Variants in ATRNL1 observed in about 807,000 individuals in gnomAD.
The protein encoded by ATRNL1 is attractin like 1.
A neutral mutation model predicts 182.7 loss-of-function variants in ATRNL1; 95 were observed. The observed-to-expected ratio is 0.52, with a 90% confidence interval of 0.44 to 0.62. The LOEUF (loss-of-function observed/expected upper bound fraction) is 0.62. Ranked by LOEUF, ATRNL1 falls within the 20% of genes least tolerant of loss-of-function variation. The pLI is 0.00. For synonymous variants in ATRNL1, 576 were observed against 568.3 expected (o/e 1.01, Z -0.19); for missense variants, 1,471 against 1,679.5 (o/e 0.88, Z 2.17).
At chr10:115,531,292 G>C (rs1190035286) in intron 25 of ATRNL1, among the ~76,000 whole-genome samples, 1 of 152,050 alleles carries the variant, frequency 6.6e-6, no homozygotes, top group East Asian at 1.9e-4. Flanking sequence ...AGCACCCGTT[G>C]TTTCCTGACT....
At chr10:115,103,106 C>T (rs1264425944) in intron 1 of ATRNL1, among the ~76,000 whole-genome samples, 11 of 148,118 alleles carry the variant, frequency 7.4e-5, no homozygotes, top group African/African-American at 2.0e-4. Context: ...GGCATGATCT[C>T]GGCTCAATGC....
intron 26 of ATRNL1, among the ~76,000 whole-genome samples, chr10:115,714,191 A>G (rs1047518371): frequency 1.3e-5 from 2 of 152,208 alleles, no homozygotes; most frequent in Non-Finnish European, 2.9e-5. Context: ...AGTGAAATAA[A>G]CAGCATCAGT....
At chr10:115,632,971 C>T (rs1035712890) in intron 26 of ATRNL1, among the ~76,000 whole-genome samples, 12 of 151,742 alleles carry the variant, frequency 7.9e-5, no homozygotes, top group Middle Eastern at 6.8e-3. Context: ...TAGCTCACTA[C>T]AACCTCCGCC....
chr10:115,109,335 A>C (rs1844161172), intron 1 of ATRNL1, among the ~76,000 whole-genome samples: 1 of 152,200 alleles, frequency 6.6e-6, no homozygotes, highest in Non-Finnish European at 1.5e-5. Flanking sequence ...AATGAATAAA[A>C]ATTTATTGGC....
At chr10:115,899,391 C>T (rs1300589181) in intron 28 of ATRNL1, among the ~76,000 whole-genome samples, 2 of 152,120 alleles carry the variant, frequency 1.3e-5, no homozygotes, top group African/African-American at 2.4e-5. Flanking sequence ...TCACCGCAAC[C>T]TCCACCTCCC....
intron 17 of ATRNL1, among the ~76,000 whole-genome samples, chr10:115,302,731 G>C (rs1237046407): frequency 6.6e-6 from 1 of 152,172 alleles, no homozygotes; most frequent in Non-Finnish European, 1.5e-5. Flanking sequence ...GTACTATGTG[G>C]TGAGAGTGGC....
chr10:115,484,405 A>G (rs1207243532), intron 24 of ATRNL1, among the ~76,000 whole-genome samples: 2 of 151,646 alleles, frequency 1.3e-5, no homozygotes, highest in Admixed American at 1.3e-4. Context: ...GTGTATTAAT[A>G]TATATCAAAT....
intron 27 of ATRNL1, among the ~76,000 whole-genome samples, chr10:115,795,232 A>G (rs547681494): frequency 4.8e-4 from 73 of 152,304 alleles, no homozygotes; most frequent in African/African-American, 1.7e-3. Context: ...CTATGTATAT[A>G]TACATTTACA....
chr10:115,587,040 G>C (rs74573631), intron 26 of ATRNL1, among the ~76,000 whole-genome samples: 66,898 of 144,520 alleles, frequency 0.46, 17,042 homozygotes, highest in East Asian at 0.83. Context: ...GCCCCTACTG[G>C]GGGGTGCCTC....
intron 9 of ATRNL1, among the ~76,000 whole-genome samples, chr10:115,223,929 A>ATATATATATATATTTT (rs1420143943): frequency 8.9e-5 from 4 of 44,716 alleles, no homozygotes; most frequent in African/African-American, 3.7e-4. Flanking sequence ...ATATATATAT[A>ATATATATATATATTTT]TTTTTTTTTT....
intron 26 of ATRNL1, among the ~76,000 whole-genome samples, chr10:115,566,638 T>G (rs1555001968): frequency 6.6e-6 from 1 of 152,112 alleles, no homozygotes; most frequent in African/African-American, 2.4e-5. Context: ...AAAGCTAAAT[T>G]ATAACCTCTA....
intron 28 of ATRNL1, among the ~76,000 whole-genome samples, chr10:115,885,290 T>G (rs1324783676): frequency 3.9e-5 from 6 of 152,224 alleles, no homozygotes; most frequent in African/African-American, 1.4e-4. Flanking sequence ...ATAATAATAC[T>G]GTTAGCTCCT....
intron 28 of ATRNL1, 141 bp downstream of exon 28, chr10:115,848,132 AC>A: frequency 1.7e-6 from 1 of 604,402 alleles, no homozygotes; most frequent in Non-Finnish European, 3.0e-6. Flanking sequence ...GAGAATACAA[AC>A]TTTTACCCAA....
At chr10:115,159,080 AT>A (rs1455931743) in intron 5 of ATRNL1, among the ~76,000 whole-genome samples, 1 of 151,752 alleles carries the variant, frequency 6.6e-6, no homozygotes, top group African/African-American at 2.4e-5. Context: ...AATTAATATC[AT>A]TTTTAACTTG....
chr10:115,632,087 G>A (rs1475698031), intron 26 of ATRNL1, among the ~76,000 whole-genome samples: 1 of 152,044 alleles, frequency 6.6e-6, no homozygotes, highest in Non-Finnish European at 1.5e-5. Context: ...CTAAAATTCA[G>A]GATGTTTTAT....
At chr10:115,733,572 G>C (rs1216035737) in intron 27 of ATRNL1, among the ~76,000 whole-genome samples, 3 of 152,084 alleles carry the variant, frequency 2.0e-5, no homozygotes, top group African/African-American at 7.2e-5. Flanking sequence ...TGAAGCAGCT[G>C]TCCTATTAAG....
rs577231890 is a variant in ATRNL1 at position 115,510,718 on chromosome 10, G to C, written c.3655-8545G>C. Among the ~76,000 whole-genome samples the C allele has an allele frequency of 2.1e-3, 318 of 152,124 alleles. 1 individual carries two copies. The highest frequency in any genetic ancestry group is 0.013 in the South Asian group (65 of 4,830). On this transcript the variant is annotated intron_variant, in intron 24 of 28. Transcript: ENST00000355044. ...CTTGCAACATCTCCAACATATGCCT[G>C]TACTGTTATTTGACTGCAGTGTTAA...
At chr10:115,834,669 T>A (rs1382054810) in intron 27 of ATRNL1, among the ~76,000 whole-genome samples, 1 of 152,182 alleles carries the variant, frequency 6.6e-6, no homozygotes, top group Non-Finnish European at 1.5e-5. Flanking sequence ...TAGCAAAGCA[T>A]CTTCCTTGTT....
intron 26 of ATRNL1, among the ~76,000 whole-genome samples, chr10:115,565,702 AT>A (rs1257536000): frequency 2.6e-5 from 4 of 152,114 alleles, no homozygotes; most frequent in Admixed American, 2.6e-4. Flanking sequence ...CTTGGTAAGT[AT>A]TTTCAATCAA....
Sources: gnomAD v4.1 joint callset for allele counts (sites outside exome capture counted in the v4.1 genomes callset) on GRCh38, gnomAD v4.1.1 for gene constraint, MANE v1.5 for transcripts, NCBI Gene and HGNC (gene_info 2026-07-23, HGNC 2026-07-21) for gene names.